Variants in KIF16B observed in about 807,000 individuals in gnomAD.
The protein encoded by KIF16B is kinesin family member 16B.
Under a neutral mutation model 156.3 loss-of-function variants are expected in KIF16B, and 98 were observed. The ratio of observed to expected loss-of-function variants is 0.63; its 90% CI spans 0.53 to 0.74. The LOEUF is 0.74. KIF16B is among the 30% of genes least tolerant of loss of function. KIF16B has a pLI of 0.00. For synonymous variants in KIF16B, 564 were observed against 583.7 expected (o/e 0.97, Z 0.49); for missense variants, 1,421 against 1,606.5 (o/e 0.88, Z 1.97).
Position 16,326,975 on chromosome 20 carries a change from T to TATAA in KIF16B, c.3711+8950_3711+8951insTTAT, listed in dbSNP as rs531114164. Among the ~76,000 whole-genome samples, 562 of 150,326 alleles carry TATAA rather than the reference T, an allele frequency of 3.7e-3. 3 individuals are homozygous for TATAA. The highest frequency in any genetic ancestry group is 0.03 in the South Asian group (141 of 4,748). On this transcript the variant is annotated intron_variant, in intron 24 of 25. Transcript: ENST00000354981. Reference sequence around the variant, plus strand: ...AAAGAAAATGTTATATATATATATATAACATATATATGTGTGTATGTGTAT... The same window carrying TATAA: ...AAAGAAAATGTTATATATATATATATATAAAACATATATATGTGTGTATGTGTAT...
intron 1 of KIF16B, among the ~76,000 whole-genome samples, chr20:16,534,773 C>T (rs1445967719): frequency 6.6e-6 from 1 of 151,982 alleles, no homozygotes; most frequent in Non-Finnish European, 1.5e-5. Context: ...CCCCAATGTA[C>T]GTTCTTGGTG....
In KIF16B at chr20:16,427,239, G is replaced by A. The variant is rs766135693; in HGVS notation, c.1477C>T (p.Leu493Phe). The change falls in exon 15 of 26, where the codon CTT (leucine) becomes TTT (phenylalanine). Residue 493 changes from leucine to phenylalanine, a missense_variant and splice_region_variant. Coordinates refer to ENST00000354981, the MANE Select transcript of KIF16B (RefSeq NM_024704.5). Reference protein sequence around the residue: ...DDASTEQDIVLHGLDLESEHC... With the variant: ...DDASTEQDIVFHGLDLESEHC... ...TCACTCTCCAAGTCAAGGCCATGAAGAACTAAAGTGGAAAAACAAAGTAGA... is the reference window on the plus strand; with the variant it reads ...TCACTCTCCAAGTCAAGGCCATGAAAAACTAAAGTGGAAAAACAAAGTAGA... 1 of 1,604,742 alleles carries A rather than the reference G, an allele frequency of 6.2e-7. No homozygotes were observed. Among genetic ancestry groups the A allele is most frequent in the South Asian group, 1.1e-5 (1 of 88,480 alleles).
At chr20:16,487,845 C>T (rs115001982) in intron 12 of KIF16B, among the ~76,000 whole-genome samples, 217 of 152,238 alleles carry the variant, frequency 1.4e-3, no homozygotes, top group African/African-American at 5.0e-3. Context: ...CATTAGGATC[C>T]CATCATCACA....
At chr20:16,400,400 C>A (rs1011295118) in intron 17 of KIF16B, among the ~76,000 whole-genome samples, 3 of 152,138 alleles carry the variant, frequency 2.0e-5, no homozygotes, top group Non-Finnish European at 2.9e-5. Flanking sequence ...AACCCTTGTG[C>A]CCTGTTGGTG....
intron 12 of KIF16B, among the ~76,000 whole-genome samples, chr20:16,455,218 AC>A (rs2067183693): frequency 1.3e-5 from 2 of 152,268 alleles, no homozygotes; most frequent in South Asian, 4.1e-4. Context: ...TATATTTATA[AC>A]AAAAACAAGA....
chr20:16,424,045 T>C (rs1289659892), intron 15 of KIF16B, among the ~76,000 whole-genome samples: 2 of 152,016 alleles, frequency 1.3e-5, no homozygotes, highest in Admixed American at 6.6e-5. Context: ...TGCCTGGAAA[T>C]AACCTGCCCC....
chr20:16,516,642 A>G (rs1452856804), intron 3 of KIF16B, among the ~76,000 whole-genome samples: 1 of 152,204 alleles, frequency 6.6e-6, no homozygotes, highest in African/African-American at 2.4e-5. Context: ...GCATCCCTAC[A>G]GGAGCATTCG....
chr20:16,395,179 AAGGGGAGAGG>A (rs140167484), intron 17 of KIF16B, among the ~76,000 whole-genome samples: 7,587 of 80,508 alleles, frequency 0.094, 1,267 homozygotes, highest in East Asian at 0.37. Flanking sequence ...GGAGATGAGG[AAGGGGAGAGG>A]AGGGGAGAGG....
At position 16,431,936 on chromosome 20, in the gene KIF16B, A is replaced by ACACACACACACACG. The variant is rs990835534; in HGVS notation, c.1303-1955_1303-1954insCGTGTGTGTGTGTG. On this transcript the variant is annotated intron_variant, in intron 12 of 25. Coordinates refer to ENST00000354981, the MANE Select transcript of KIF16B (RefSeq NM_024704.5). Reference sequence around the variant, plus strand: ...TATACACACACACACACACACACACACACGCACAAGTTTATTACCTGTCCT... The same window carrying ACACACACACACACG: ...TATACACACACACACACACACACACACACACACACACACGCACGCACAAGTTTATTACCTGTCCT... Among the ~76,000 whole-genome samples, 427 of 151,202 alleles carry ACACACACACACACG rather than the reference A, an allele frequency of 2.8e-3. 1 individual carries two copies. The highest frequency in any genetic ancestry group is 1.0e-2 in the African/African-American group (409 of 41,096).
chr20:16,488,560 A>C (rs954696342), intron 12 of KIF16B, among the ~76,000 whole-genome samples: 2 of 152,224 alleles, frequency 1.3e-5, no homozygotes, highest in African/African-American at 4.8e-5. Flanking sequence ...ACTTCAAAAA[A>C]ATCATTAGCA....
At chr20:16,521,175 A>G (rs1302072144) in intron 3 of KIF16B, among the ~76,000 whole-genome samples, 1 of 152,072 alleles carries the variant, frequency 6.6e-6, no homozygotes, top group African/African-American at 2.4e-5. Flanking sequence ...GAGTTTGATG[A>G]ATTGGCAGAA....
intron 12 of KIF16B, among the ~76,000 whole-genome samples, chr20:16,479,343 C>T (rs1310007080): frequency 6.6e-6 from 1 of 151,994 alleles, no homozygotes; most frequent in African/African-American, 2.4e-5. Context: ...GAACAACACA[C>T]GCTGGGGACT....
chr20:16,370,312 T>C (rs2064785744), intron 22 of KIF16B, among the ~76,000 whole-genome samples: 1 of 152,206 alleles, frequency 6.6e-6, no homozygotes, highest in Non-Finnish European at 1.5e-5. Flanking sequence ...ATTCTGCCTT[T>C]TAAATGCAGA....
intron 23 of KIF16B, among the ~76,000 whole-genome samples, chr20:16,342,267 A>G (rs2064152948): frequency 7.2e-6 from 1 of 139,334 alleles, no homozygotes; most frequent in Non-Finnish European, 1.5e-5. Context: ...GGAGATTTTA[A>G]GCCTTCTAAG....
At chr20:16,540,337 A>ATGAACT (rs11472682) in intron 1 of KIF16B, among the ~76,000 whole-genome samples, 26,062 of 152,108 alleles carry the variant, frequency 0.17, 2,385 homozygotes, top group South Asian at 0.22. Flanking sequence ...GGATGAGAAA[A>ATGAACT]TAAACATTTC....
chr20:16,549,030 T>A (rs1259912456), intron 1 of KIF16B, among the ~76,000 whole-genome samples: 1 of 131,926 alleles, frequency 7.6e-6, no homozygotes, highest in African/African-American at 2.8e-5. Context: ...TTTTATGTTT[T>A]TTTTTCGTTA....
At chr20:16,409,992 T>C (rs1289827477) in intron 15 of KIF16B, among the ~76,000 whole-genome samples, 1 of 106,824 alleles carries the variant, frequency 9.4e-6, no homozygotes, top group Non-Finnish European at 1.9e-5. Flanking sequence ...TATATATATA[T>C]GTAGGTACAT....
rs6043962 is a variant in KIF16B, at chr20:16,458,088, T to C, written c.1303-28106A>G. On this transcript the variant is annotated intron_variant, in intron 12 of 25. Transcript: ENST00000354981. The stretch of plus-strand genomic sequence containing the variant: ...TGCCACAACCCAGATCAAAACGGTA[T>C]AGTTTTGCTGTGAGCCACTTTACTG... 5.9e-5 allele frequency among the ~76,000 whole-genome samples: 9 copies of C among 151,976 alleles called. No individual in the cohort carries two copies. In the East Asian group the frequency reaches 1.6e-3, roughly 26 times the overall value.
At position 16,428,990 on chromosome 20, in the gene KIF16B, G is replaced by GT; in HGVS notation, c.1436dup (p.Tyr479Ter). Residue 479 changes from tyrosine (Y) to a stop codon, truncating the protein, a stop_gained and frameshift_variant, in exon 14 of 26, where the codon TAC (tyrosine) becomes TAAC (stop). Transcript: ENST00000354981. LOFTEE classifies it high-confidence loss of function. ...ILYHLKEGQT[Y>*]VGRDDASTEQ... is the part of the protein sequence containing the mutation. ...CCGTGGAAGCATCGTCTCTACCAAC[G>GT]TATGTCTGACCTTCCTGGGAAGAAA... is the stretch of plus-strand genomic sequence containing the variant. 2 of 1,612,874 alleles carry GT rather than the reference G, an allele frequency of 1.2e-6. No homozygotes were observed.
Sources: allele counts gnomAD v4.1 joint callset (sites outside exome capture counted in the v4.1 genomes callset), GRCh38; gene constraint gnomAD v4.1.1; transcripts MANE v1.5; gene names NCBI Gene and HGNC (gene_info 2026-07-23, HGNC 2026-07-21).